TSPEAR: variants seen among roughly 807,000 people sequenced by gnomAD.
TSPEAR encodes the protein thrombospondin-type laminin G domain and EAR repeat-containing protein.
TSPEAR carries 69 observed loss-of-function variants against 71.6 expected under a neutral mutation model. The ratio of observed to expected loss-of-function variants is 0.96; its 90% CI spans 0.79 to 1.18. TSPEAR has a LOEUF of 1.18. Among genes scored for constraint, TSPEAR ranks in the 50% most tolerant of loss-of-function variants. TSPEAR has a pLI of 0.00. For synonymous variants in TSPEAR, 402 were observed against 387.2 expected (o/e 1.04, Z -0.45); for missense variants, 971 against 894.9 (o/e 1.09, Z -1.09).
intron 4 of TSPEAR, among the ~76,000 whole-genome samples, chr21:44,530,525 A>T (rs1227247880): frequency 1.3e-5 from 2 of 150,624 alleles, no homozygotes; most frequent in Admixed American, 1.3e-4. Context: ...GCATCCATCC[A>T]TCCATCCATC....
At position 44,697,865 on chromosome 21, in the gene TSPEAR, C is replaced by T. The variant is rs368094852; in HGVS notation, c.82+13568G>A. The T allele has an allele frequency of 3.7e-6, 6 of 1,603,646 alleles. No individual in the cohort carries two copies. The African/African-American group carries it at 8.1e-5, about 22-fold the overall frequency. On this transcript the variant is annotated intron_variant, in intron 1 of 11. Coordinates refer to ENST00000323084, the MANE Select transcript of TSPEAR (RefSeq NM_144991.3). ...CTGCTGTGTCCCCACCTCCTCCTGC[C>T]AGCCAAGCTGCGGCCGCCTGGCCTC...
At chr21:44,514,527 G>A (rs781952479) in intron 9 of TSPEAR, among the ~76,000 whole-genome samples, 2 of 152,208 alleles carry the variant, frequency 1.3e-5, no homozygotes, top group Admixed American at 1.3e-4. Flanking sequence ...GCCGACAGCT[G>A]CAATCACAGA....
chr21:44,588,729 T>C (rs1979521196), intron 1 of TSPEAR, among the ~76,000 whole-genome samples: 1 of 21,008 alleles, frequency 4.8e-5, no homozygotes, highest in African/African-American at 1.2e-4. Flanking sequence ...TATGTGTGTG[T>C]ATATATGTAT....
intron 2 of TSPEAR, among the ~76,000 whole-genome samples, chr21:44,535,202 A>C (rs1555916260): frequency 2.0e-5 from 3 of 152,202 alleles, no homozygotes; most frequent in Admixed American, 6.5e-5. Flanking sequence ...CTGTACCCTT[A>C]AAAATAGTTT....
chr21:44,707,118 G>A (rs902593537), intron 1 of TSPEAR, among the ~76,000 whole-genome samples: 1 of 152,244 alleles, frequency 6.6e-6, no homozygotes, highest in Non-Finnish European at 1.5e-5. Flanking sequence ...GGTTGGGCGA[G>A]CACCCCTAGC....
At chr21:44,529,702 G>A (rs1340741937) in intron 5 of TSPEAR, 96 bp downstream of exon 5, 1 of 1,405,010 alleles carries the variant, frequency 7.1e-7, no homozygotes, top group Admixed American at 1.8e-5. Flanking sequence ...AGGCACACGA[G>A]AGGGGCTGAG....
At chr21:44,639,331 C>T (rs1037515316) in intron 1 of TSPEAR, among the ~76,000 whole-genome samples, 5 of 152,212 alleles carry the variant, frequency 3.3e-5, no homozygotes, top group African/African-American at 4.8e-5. Flanking sequence ...CATTTGAGAG[C>T]GCACGTCCGG....
chr21:44,545,499 G>T (rs1555917673), intron 2 of TSPEAR, among the ~76,000 whole-genome samples: 1 of 152,058 alleles, frequency 6.6e-6, no homozygotes, highest in African/African-American at 2.4e-5. Context: ...TGCCATATTA[G>T]ACTATACCTT....
chr21:44,541,269 T>G (rs1555917214), intron 2 of TSPEAR, among the ~76,000 whole-genome samples: 1 of 152,192 alleles, frequency 6.6e-6, no homozygotes, highest in Non-Finnish European at 1.5e-5. Context: ...ATAATAAACT[T>G]TTTTGGAGAA....
At chr21:44,703,222 C>T (rs1362471733) in intron 1 of TSPEAR, among the ~76,000 whole-genome samples, 1 of 152,254 alleles carries the variant, frequency 6.6e-6, no homozygotes, top group African/African-American at 2.4e-5. Flanking sequence ...ACACCCCTGG[C>T]TTCGGCAACC....
chr21:44,607,431 T>G (rs1555930031), intron 1 of TSPEAR, among the ~76,000 whole-genome samples: 1 of 152,180 alleles, frequency 6.6e-6, no homozygotes, highest in African/African-American at 2.4e-5. Flanking sequence ...ACATTATACC[T>G]AGTAAATACA....
chr21:44,505,012 T>C (rs2052161134), intron 10 of TSPEAR, 131 bp from the exon 11 acceptor site: 1 of 673,774 alleles, frequency 1.5e-6, no homozygotes. Flanking sequence ...TTTCTCACAG[T>C]CACATATGTG....
chr21:44,582,029 G>A (rs1979010772), intron 1 of TSPEAR, among the ~76,000 whole-genome samples: 1 of 152,148 alleles, frequency 6.6e-6, no homozygotes, highest in Non-Finnish European at 1.5e-5. Flanking sequence ...TCCTTTCAGT[G>A]ATTATTAGTA....
rs942398023 is a variant in TSPEAR at position 44,702,605 on chromosome 21, C to A, written c.82+8828G>T. On this transcript the variant is annotated intron_variant, in intron 1 of 11. Transcript: ENST00000323084. Reference sequence around the variant, plus strand: ...TGCACTTCCTCCTGCTGCAGACCCTCCTCCTCTGTGTCCCTCCTCTGCCAC... The same window carrying A: ...TGCACTTCCTCCTGCTGCAGACCCTACTCCTCTGTGTCCCTCCTCTGCCAC... The A allele has an allele frequency of 1.4e-5, 23 of 1,606,012 alleles. No homozygotes were observed. In the African/African-American group the frequency reaches 2.7e-4, roughly 19 times the overall value.
chr21:44,696,266 C>T (rs182052996), intron 1 of TSPEAR, among the ~76,000 whole-genome samples: 2 of 152,336 alleles, frequency 1.3e-5, no homozygotes, highest in East Asian at 1.9e-4. Flanking sequence ...TGCTCCGCCC[C>T]GCTCTTCTCA....
chr21:44,529,979 C>A, intron 4 of TSPEAR, 25 bp from the exon 5 acceptor site: 1 of 1,544,826 alleles, frequency 6.5e-7, no homozygotes, highest in Non-Finnish European at 8.7e-7. Context: ...ACAGCTCCTT[C>A]AGGCCCGCGC....
At chr21:44,515,968 G>A (rs1213512868) in intron 9 of TSPEAR, 7 of 152,288 alleles carry the variant, frequency 4.6e-5, no homozygotes, top group Non-Finnish European at 8.8e-5. Flanking sequence ...CCATCCCCAT[G>A]GGGCAGGCAC....
chr21:44,552,722 T>C (rs2053463080), intron 2 of TSPEAR, among the ~76,000 whole-genome samples: 1 of 152,100 alleles, frequency 6.6e-6, no homozygotes, highest in Non-Finnish European at 1.5e-5. Flanking sequence ...CGGCTGGACG[T>C]GGGATAAACT....
chr21:44,518,836 A>C (rs985953744), intron 9 of TSPEAR: 5 of 386,612 alleles, frequency 1.3e-5, no homozygotes, highest in Non-Finnish European at 2.7e-5. Context: ...GGGGCTCTGC[A>C]TGTGTGAGCC....
Sources: allele counts gnomAD v4.1 joint callset (sites outside exome capture counted in the v4.1 genomes callset), GRCh38; gene constraint gnomAD v4.1.1; transcripts MANE v1.5; gene names NCBI Gene and HGNC (gene_info 2026-07-23, HGNC 2026-07-21).